ALDH1A3: variants seen among roughly 807,000 people sequenced by gnomAD.
ALDH1A3 encodes aldehyde dehydrogenase 1 family member A3.
A neutral mutation model predicts 57.5 loss-of-function variants in ALDH1A3; 28 were observed. The ratio of observed to expected loss-of-function variants is 0.49; its 90% CI spans 0.36 to 0.67. ALDH1A3 has a LOEUF of 0.67. ALDH1A3 is among the 30% of genes least tolerant of loss of function. The pLI is 0.00. For missense variants in ALDH1A3, 507 were observed against 669.4 expected (o/e 0.76, Z 2.68); for synonymous variants, 281 against 264.8 (o/e 1.06, Z -0.59).
chr15:100,892,941 C>G lies in ALDH1A3; in HGVS notation c.476-4C>G. ...TCCTTCCCCACCATGTAACCCTCTT[C>G]CAGATGACAACGTCGTGTGCTTCAC... On this transcript the variant is annotated splice_region_variant and splice_polypyrimidine_tract_variant and intron_variant, in intron 4 of 12. Transcript: ENST00000329841. 2 of 1,614,030 alleles carry G rather than the reference C, an allele frequency of 1.2e-6. No homozygotes were observed. Among genetic ancestry groups the G allele is most frequent in the African/African-American group, 1.3e-5 (1 of 75,046 alleles).
chr15:100,897,454 T>A (rs1334340952), intron 7 of ALDH1A3, among the ~76,000 whole-genome samples: 1 of 152,224 alleles, frequency 6.6e-6, no homozygotes, highest in Non-Finnish European at 1.5e-5. Flanking sequence ...AGAGACCCCG[T>A]GGGGGCCTTG....
chr15:100,907,552 T>A (rs4646685), intron 11 of ALDH1A3, among the ~76,000 whole-genome samples: 2 of 152,070 alleles, frequency 1.3e-5, no homozygotes, highest in Middle Eastern at 3.4e-3. Flanking sequence ...TACCTGTGCC[T>A]GTGGCCCCTG....
intron 9 of ALDH1A3, among the ~76,000 whole-genome samples, chr15:100,903,857 C>G (rs1356976865): frequency 1.3e-5 from 2 of 152,102 alleles, no homozygotes; most frequent in African/African-American, 4.8e-5. Flanking sequence ...AGGCATTTTT[C>G]TTATCACTTC....
chr15:100,898,314 G>T, intron 8 of ALDH1A3, 129 bp downstream of exon 8: 1 of 727,538 alleles, frequency 1.4e-6, no homozygotes, highest in Non-Finnish European at 2.2e-6. Flanking sequence ...CGCTTCCACC[G>T]TGGGCATCCT....
At chr15:100,886,165 G>A (rs1335223637) in intron 2 of ALDH1A3, among the ~76,000 whole-genome samples, 3 of 152,230 alleles carry the variant, frequency 2.0e-5, no homozygotes, top group Non-Finnish European at 4.4e-5. Context: ...TCTTGCCCAT[G>A]AGTTTTTGTG....
intron 9 of ALDH1A3, among the ~76,000 whole-genome samples, chr15:100,903,089 C>T (rs545141081): frequency 6.6e-6 from 1 of 152,278 alleles, no homozygotes; most frequent in Non-Finnish European, 1.5e-5. Flanking sequence ...GTGGAGTACA[C>T]ATACACGGGT....
At chr15:100,908,204 T>G (rs2041845448) in intron 11 of ALDH1A3, among the ~76,000 whole-genome samples, 1 of 152,150 alleles carries the variant, frequency 6.6e-6, no homozygotes, top group Admixed American at 6.5e-5. Flanking sequence ...AAACACACTC[T>G]GTACTTGAGG....
At chr15:100,883,774 G>C (rs182185463) in intron 1 of ALDH1A3, among the ~76,000 whole-genome samples, 1 of 152,192 alleles carries the variant, frequency 6.6e-6, no homozygotes, top group African/African-American at 2.4e-5. Flanking sequence ...CATCACCCAG[G>C]TATTAAGCCG....
Position 100,906,803 on chromosome 15 carries a change from T to G in ALDH1A3, c.1234-318T>G, listed in dbSNP as rs1467943908. ...AAAAAGTTACCTAAAGGTTTTGTGT[T>G]CTGTGCATCTATGGGTTACTCCAAG... On this transcript the variant is annotated intron_variant, in intron 10 of 12. Transcript: ENST00000329841. The surrounding 1 kb of genome is among the most constrained non-coding windows in gnomAD (Gnocchi z 4.8). Among the ~76,000 whole-genome samples, 1 of 152,228 alleles carries G rather than the reference T, an allele frequency of 6.6e-6. No homozygotes were observed. Among genetic ancestry groups the G allele is most frequent in the Non-Finnish European group, 1.5e-5 (1 of 68,044 alleles).
In ALDH1A3 at chr15:100,914,806, A is replaced by T. The variant is rs754919104; in HGVS notation, c.*33A>T. On this transcript the variant is annotated 3_prime_UTR_variant, in exon 13 of 13. Coordinates refer to ENST00000329841, the MANE Select transcript of ALDH1A3 (RefSeq NM_000693.4). Reference sequence around the variant, plus strand: ...GCGGGGCTCCTTCCTCAAACATCGGACGGCGGAATGTGGCAGATGAAATGT... The same window carrying T: ...GCGGGGCTCCTTCCTCAAACATCGGTCGGCGGAATGTGGCAGATGAAATGT... The T allele has an allele frequency of 3.7e-6, 6 of 1,603,862 alleles. No homozygotes were observed. In the Admixed American group the frequency reaches 1.0e-4, roughly 27 times the overall value.
rs1319494396 is a variant in ALDH1A3 at position 100,906,091 on chromosome 15, C to T, written c.1233+404C>T. On this transcript the variant is annotated intron_variant, in intron 10 of 12. Coordinates refer to ENST00000329841, the MANE Select transcript of ALDH1A3 (RefSeq NM_000693.4). This position sits in a 1 kb window ranked among gnomAD's most constrained non-coding sequence, Gnocchi z 4.8. ...TTCAAGAACCTGTGGATTCAGGGCC[C>T]AAAGCCGCCTTCAGTGCCCCTAGAC... Among the ~76,000 whole-genome samples the T allele has an allele frequency of 6.6e-6, 1 of 152,152 alleles. No homozygotes were observed. Among genetic ancestry groups the T allele is most frequent in the African/African-American group, 2.4e-5 (1 of 41,430 alleles).
intron 1 of ALDH1A3, 118 bp from the exon 2 acceptor site, chr15:100,885,149 G>A (rs1156659283): frequency 1.4e-6 from 1 of 711,820 alleles, no homozygotes; most frequent in Non-Finnish European, 2.5e-6. Flanking sequence ...AAGGGGAGAG[G>A]GAAGCAGCAG....
intron 3 of ALDH1A3, 171 bp from the exon 4 acceptor site, chr15:100,892,339 G>T: frequency 1.2e-6 from 1 of 828,336 alleles, no homozygotes; most frequent in Non-Finnish European, 1.8e-6. Flanking sequence ...CTCAGAGACA[G>T]GCCTCGCTTT....
rs149322146 is a variant in ALDH1A3 at position 100,880,676 on chromosome 15, C to T, written c.99+670C>T. The T allele has an allele frequency of 4.3e-3, 671 of 155,178 alleles. 7 individuals carry two copies. Among genetic ancestry groups the T allele is most frequent in the African/African-American group, 0.015 (623 of 41,734 alleles). 9.6% of individuals were successfully genotyped at this position (155,178 alleles called of 1,614,324 possible). A position where few individuals can be genotyped will look rare whatever the true frequency, so the allele number is the denominator to read the frequency against. On this transcript the variant is annotated intron_variant, in intron 1 of 12. Coordinates refer to ENST00000329841, the MANE Select transcript of ALDH1A3 (RefSeq NM_000693.4). ...CGCTCCGGAAGGTCGCAGACCTGGGCCTTTGGGAAGCGGTGGGTCGCGAGG... is the reference window on the plus strand; with the variant it reads ...CGCTCCGGAAGGTCGCAGACCTGGGTCTTTGGGAAGCGGTGGGTCGCGAGG...
intron 8 of ALDH1A3, among the ~76,000 whole-genome samples, chr15:100,900,160 G>A (rs980900458): frequency 1.3e-5 from 2 of 152,190 alleles, no homozygotes; most frequent in African/African-American, 4.8e-5. Flanking sequence ...ACTCAAGGTG[G>A]AACATTTTGG....
chr15:100,905,384 T>C (rs1190700946), intron 9 of ALDH1A3, 139 bp from the exon 10 acceptor site: 7 of 1,071,314 alleles, frequency 6.5e-6, no homozygotes, highest in Non-Finnish European at 9.5e-6. Context: ...CCTGCAAGGC[T>C]CATTAGTTAC....
At chr15:100,903,478 GTC>G (rs1412054803) in intron 9 of ALDH1A3, among the ~76,000 whole-genome samples, 1 of 152,212 alleles carries the variant, frequency 6.6e-6, no homozygotes, top group Non-Finnish European at 1.5e-5. Flanking sequence ...GGTATGTGCA[GTC>G]ACACACAAGG....
rs1420569307 is a variant in ALDH1A3 at position 100,914,839 on chromosome 15, G to GA, written c.*73dup. 2.7e-6 allele frequency: 4 copies of GA among 1,489,378 alleles called. No homozygotes were observed. Among genetic ancestry groups the GA allele is most frequent in the South Asian group, 1.2e-5 (1 of 86,036 alleles). 92.3% of individuals were successfully genotyped at this position (1,489,378 alleles called of 1,614,324 possible). A position where few individuals can be genotyped will look rare whatever the true frequency, so the allele number is the denominator to read the frequency against. On this transcript the variant is annotated 3_prime_UTR_variant, in exon 13 of 13. Transcript: ENST00000329841. The stretch of plus-strand genomic sequence containing the variant: ...ATGTGGCAGATGAAATGTGCTGGAG[G>GA]AAAAAAATGACATTTCTGACCTTCC...
chr15:100,880,580 T>G (rs1272021539), intron 1 of ALDH1A3: 6 of 191,308 alleles, frequency 3.1e-5, no homozygotes, highest in African/African-American at 4.7e-5. Flanking sequence ...CGAGGAGGAG[T>G]AGGAAGGTGC....
Sources: gnomAD v4.1 joint callset for allele counts (sites outside exome capture counted in the v4.1 genomes callset) on GRCh38, gnomAD v4.1.1 for gene constraint, Gnocchi (gnomAD v3.1) non-coding constraint, MANE v1.5 for transcripts, NCBI Gene and HGNC (gene_info 2026-07-23, HGNC 2026-07-21) for gene names.